The following KDM6A variants were observed in gnomAD, a reference collection of about 807,000 sequenced individuals.
KDM6A encodes lysine-specific demethylase 6A.
Under a neutral mutation model 117.6 loss-of-function variants are expected in KDM6A, and 11 were observed. The ratio of observed to expected loss-of-function variants is 0.09; its 90% confidence interval spans 0.06 to 0.15. KDM6A has a LOEUF of 0.15. Among genes scored for constraint, KDM6A ranks in the 10% least tolerant of loss-of-function variants. KDM6A has a pLI of 1.00. For missense variants in KDM6A, 799 were observed against 1,077.3 expected (o/e 0.74, Z 3.62); for synonymous variants, 384 against 396.1 (o/e 0.97, Z 0.36).
At chrX:45,041,092 C>T (rs1398276538) in intron 8 of KDM6A, among the ~76,000 whole-genome samples, 21 of 76,838 alleles carry the variant, frequency 2.7e-4, no homozygotes, top group East Asian at 8.8e-4. Flanking sequence ...CACCCCTCAC[C>T]TCCCGGACGG....
chrX:45,000,530 C>G (rs1010613083), intron 4 of KDM6A, among the ~76,000 whole-genome samples: 3 of 112,037 alleles, frequency 2.7e-5, no homozygotes, highest in African/African-American at 9.7e-5. Context: ...GGCAGAGTGT[C>G]CAGTAAAGGT....
rs1556326799 is a variant in KDM6A, at chrX:45,068,786, T to TTCTCTCTTCTTTC, written c.2080-790_2080-789insCTCTTCTTTCTCT. On this transcript the variant is annotated intron_variant, in intron 17 of 29. Coordinates refer to ENST00000611820, the MANE Select transcript of KDM6A (RefSeq NM_001291415.2). ...CTCTCTCCCTCCTCTCTCCTCTCTC[T>TTCTCTCTTCTTTC]TCTTTCTCTTTCTCTTTCTCTTTCT... Among the ~76,000 whole-genome samples the TTCTCTCTTCTTTC allele has an allele frequency of 8.5e-4, 73 of 85,441 alleles. 5 individuals carry two copies. Among genetic ancestry groups the TTCTCTCTTCTTTC allele is most frequent in the Non-Finnish European group, 1.8e-4 (8 of 45,002 alleles). The allele number at this position is 85,441 out of a possible 115,157, so 74.2% of individuals were successfully genotyped here.
At position 45,034,843 on chromosome X, in the gene KDM6A, T is replaced by TTAGACC. The variant is rs1253495158; in HGVS notation, c.565-86_565-81dup. 23 of 705,090 alleles carry TTAGACC rather than the reference T, an allele frequency of 3.3e-5. No homozygotes were observed. The African/African-American group carries it at 4.4e-4, about 14-fold the overall frequency. The allele number at this position is 705,090 out of a possible 1,213,427, so 58.1% of individuals were successfully genotyped here. A position where few individuals can be genotyped will look rare whatever the true frequency, so the allele number is the denominator to read the frequency against. On this transcript the variant is annotated intron_variant, in intron 6 of 29. Coordinates refer to ENST00000611820, the MANE Select transcript of KDM6A (RefSeq NM_001291415.2). ...TGCATAGCATGTATTTATTATTATT[T>TTAGACC]TAGACCTTACATACCTGAAAAGTAT...
intron 4 of KDM6A, among the ~76,000 whole-genome samples, chrX:44,980,087 C>G (rs2039821893): frequency 9.3e-6 from 1 of 107,219 alleles, no homozygotes; most frequent in Non-Finnish European, 1.9e-5. Context: ...ACCTTCGCCT[C>G]CCGGGTTCAA....
chrX:45,007,599 T>C (rs1205285533), intron 4 of KDM6A, among the ~76,000 whole-genome samples: 2 of 112,073 alleles, frequency 1.8e-5, no homozygotes, highest in African/African-American at 6.5e-5. Context: ...AGTCCCCTTG[T>C]ACTGGGTGAT....
intron 21 of KDM6A, among the ~76,000 whole-genome samples, chrX:45,079,783 T>C (rs769904178): frequency 2.4e-3 from 265 of 112,308 alleles, no homozygotes; most frequent in Non-Finnish European, 4.2e-3. Context: ...TGACCTCAAG[T>C]GATCCGCCTA....
rs754951388 is a variant in KDM6A at position 45,070,298 on chromosome X, C to G, written c.2799C>G (p.Ile933Met). 8.3e-7 allele frequency: 1 copy of G among 1,209,837 alleles called. No individual in the cohort carries two copies. Among genetic ancestry groups the G allele is most frequent in the Non-Finnish European group, 1.1e-6 (1 of 893,757 alleles). The change falls in exon 18 of 30, where the codon ATC becomes ATG. Residue 933 changes from isoleucine (I) to methionine (M), a missense_variant. Ile to Met is a conservative substitution (Grantham distance 10). Around this residue, in one of 8 missense-constraint regions of KDM6A, gnomAD observed 291 missense variants for 437.9 expected, o/e 0.66. Coordinates refer to ENST00000611820, the MANE Select transcript of KDM6A (RefSeq NM_001291415.2). The part of the protein sequence containing the change: ...LLVNHKPSPQ[I>M]IPSMSVSIYP... ...TTAACCACAAACCTAGTCCACAGAT[C>G]ATACCATCAATGTCTGTGTCCATAT...
chrX:44,935,000 G>A (rs927230174), intron 2 of KDM6A, among the ~76,000 whole-genome samples: 1 of 111,286 alleles, frequency 9.0e-6, no homozygotes, highest in African/African-American at 3.3e-5. Flanking sequence ...GAGGTCCTTG[G>A]CATTTTCTCT....
chrX:45,110,168 A>G lies in KDM6A; in HGVS notation c.4251A>G (p.Thr1417=), dbSNP rs2046713757. 2.5e-6 allele frequency: 3 copies of G among 1,209,066 alleles called. No homozygotes were observed. The highest frequency in any genetic ancestry group is 3.4e-6 in the Non-Finnish European group (3 of 894,385). ...ATTGCCAAGATTGTGCACGAAAAAC[A>G]AGCGGAAACTTGGAAAACTTTGTGG... ...IVHCQDCARK[T]SGNLENFVVL... Residue 1417 remains threonine, a synonymous_variant, in exon 29 of 30, where the codon ACA becomes ACG. Coordinates refer to ENST00000611820, the MANE Select transcript of KDM6A (RefSeq NM_001291415.2).
rs760274595 is a variant in KDM6A, at chrX:45,096,311, G to A, written c.4034+5447G>A. Among the ~76,000 whole-genome samples the A allele has an allele frequency of 4.2e-4, 47 of 111,349 alleles. 1 individual carries two copies. In the Middle Eastern group the frequency reaches 0.028, roughly 65 times the overall value. On this transcript the variant is annotated intron_variant, in intron 27 of 29. Transcript: ENST00000611820. ...AAATTTACCTTGTGCCTTCTCATCC[G>A]CTCCCTCCCTCCCTCAGCTCTACCC...
At chrX:45,063,358 C>T in intron 16 of KDM6A, 64 bp from the exon 17 acceptor site, 2 of 1,044,928 alleles carry the variant, frequency 1.9e-6, no homozygotes, top group Non-Finnish European at 2.7e-6. Context: ...AGAGAATCCC[C>T]TATAGATTCT....
At chrX:45,051,533 A>T (rs767029007) in intron 8 of KDM6A, among the ~76,000 whole-genome samples, 176 bp from the exon 9 acceptor site, 1 of 112,277 alleles carries the variant, frequency 8.9e-6, no homozygotes, top group South Asian at 3.7e-4. Flanking sequence ...CTCTGGAACA[A>T]GGCTTATTAC....
chrX:45,027,717 T>C (rs938731528), intron 6 of KDM6A, among the ~76,000 whole-genome samples: 12 of 111,406 alleles, frequency 1.1e-4, no homozygotes, highest in African/African-American at 3.6e-4. Flanking sequence ...TGGCATATCA[T>C]GGAAGCTGCA....
At chrX:45,015,572 G>A (rs895637570) in intron 5 of KDM6A, among the ~76,000 whole-genome samples, 2 of 111,475 alleles carry the variant, frequency 1.8e-5, no homozygotes, top group African/African-American at 3.3e-5. Context: ...TTGATGGAAC[G>A]AAAGAATAAT....
chrX:45,031,533 G>GT (rs1204144196), intron 6 of KDM6A, among the ~76,000 whole-genome samples: 1 of 111,581 alleles, frequency 9.0e-6, no homozygotes, highest in African/African-American at 3.3e-5. Context: ...GCTTGCATAA[G>GT]TTTTTTTTCT....
chrX:45,054,152 G>T (rs2043970030), intron 10 of KDM6A, among the ~76,000 whole-genome samples, 197 bp downstream of exon 10: 1 of 111,773 alleles, frequency 8.9e-6, no homozygotes, highest in South Asian at 3.7e-4. Context: ...AGCATAATCT[G>T]GTCTAGCAGG....
At chrX:45,050,329 A>C (rs2043780529) in intron 8 of KDM6A, among the ~76,000 whole-genome samples, 2 of 112,571 alleles carry the variant, frequency 1.8e-5, no homozygotes, top group African/African-American at 6.5e-5. Flanking sequence ...AACAAGGGCG[A>C]CACTCCGTCT....
intron 2 of KDM6A, among the ~76,000 whole-genome samples, chrX:44,890,525 G>T (rs1254514734): frequency 9.1e-6 from 1 of 110,435 alleles, no homozygotes; most frequent in African/African-American, 3.3e-5. Context: ...CAGTTTCACT[G>T]CATCCTTGCC....
Position 45,063,812 on chromosome X carries a change from A to T in KDM6A, c.2074A>T (p.Thr692Ser). The change falls in exon 17 of 30, where the codon ACT (threonine) becomes TCT (serine). Residue 692 changes from threonine to serine, a missense_variant. Around this residue, in one of 8 missense-constraint regions of KDM6A, gnomAD observed 301 missense variants for 318.3 expected, o/e 0.95. Transcript: ENST00000611820. ...GTGGAAAAACCAACTATCTAACTCC[A>T]CTCAGGTAATAGGAGGACTAGCTTC... is the stretch of plus-strand genomic sequence containing the variant. Reference protein sequence around the residue: ...EPWKNQLSNSTQGLHKGQSSH... With the variant: ...EPWKNQLSNSSQGLHKGQSSH... 8.4e-7 allele frequency: 1 copy of T among 1,193,010 alleles called. No individual in the cohort carries two copies. The highest frequency in any genetic ancestry group is 1.1e-6 in the Non-Finnish European group (1 of 885,071).
Sources: allele counts gnomAD v4.1 joint callset (sites outside exome capture counted in the v4.1 genomes callset), GRCh38; gene constraint gnomAD v4.1.1; regional missense constraint gnomAD v4.1.1; transcripts MANE v1.5; gene names NCBI Gene and HGNC (gene_info 2026-07-23, HGNC 2026-07-21).